TRIM8: variants seen among roughly 807,000 people sequenced by gnomAD.
The protein encoded by TRIM8 is tripartite motif containing 8, also known as E3 ubiquitin-protein ligase TRIM8.
In TRIM8, 9 loss-of-function variants were observed where a neutral mutation model predicts 55.7. The ratio of observed to expected loss-of-function variants is 0.16; its 90% CI spans 0.10 to 0.28. TRIM8 has a LOEUF of 0.28. TRIM8 is among the 10% of genes least tolerant of loss of function. The probability of loss-of-function intolerance (pLI) is 1.00; values close to 1 mark genes in which losing one functional copy is unlikely to be tolerated. For missense variants in TRIM8, 556 were observed against 736.4 expected, an observed-to-expected ratio of 0.76 and a Z score of 2.83; for synonymous variants, 335 against 333.3, an observed-to-expected ratio of 1.01 and a Z score of -0.06.
chr10:102,645,437 G>A, intron 1 of TRIM8: 1 of 426,906 alleles, frequency 2.3e-6, no homozygotes, highest in South Asian at 4.1e-5. Context: ...GGATTGGGGT[G>A]TGGGACCGTC....
chr10:102,657,407 C>A lies in TRIM8; in HGVS notation c.*53C>A. 6.6e-7 allele frequency: 1 copy of A among 1,515,876 alleles called. No homozygotes were observed. Among genetic ancestry groups the A allele is most frequent in the Non-Finnish European group, 8.8e-7 (1 of 1,131,832 alleles). The allele number at this position is 1,515,876 out of a possible 1,614,324, so 93.9% of individuals were successfully genotyped here. Reference sequence around the variant, plus strand: ...AATCTTCCTCCCCAGCCCCCGGGCTCGGGAGTTATGCATCCAGAGACCTGC... The same window carrying A: ...AATCTTCCTCCCCAGCCCCCGGGCTAGGGAGTTATGCATCCAGAGACCTGC... On this transcript the variant is annotated 3_prime_UTR_variant, in exon 6 of 6. Coordinates refer to ENST00000643721, the MANE Select transcript of TRIM8 (RefSeq NM_030912.3).
At position 102,656,019 on chromosome 10, in the gene TRIM8, AGG is replaced by A; in HGVS notation, c.901-81_901-80del. ...GATCCACCCAGCCTGGGGGAGGCTC[AGG>A]GGGGGCAGCTTTTGTCTTCCCCTCT... On this transcript the variant is annotated intron_variant, in intron 3 of 5. Transcript: ENST00000643721. The surrounding 1 kb of genome is among the most constrained non-coding windows in gnomAD (Gnocchi z 4.6). The A allele has an allele frequency of 6.3e-7, 1 of 1,596,974 alleles. No homozygotes were observed. The highest frequency in any genetic ancestry group is 8.6e-7 in the Non-Finnish European group (1 of 1,165,714).
chr10:102,648,323 T>C (rs1368705665), intron 1 of TRIM8, among the ~76,000 whole-genome samples: 1 of 152,080 alleles, frequency 6.6e-6, no homozygotes, highest in African/African-American at 2.4e-5. Context: ...CCCGGTTGCA[T>C]GTGTGAGGGG....
chr10:102,645,234 C>T, intron 1 of TRIM8, 47 bp downstream of exon 1: 2 of 1,456,906 alleles, frequency 1.4e-6, no homozygotes, highest in South Asian at 1.4e-5. Context: ...CACAGACACA[C>T]AGTCCCTTCC....
At chr10:102,653,041 C>T (rs955878174) in intron 1 of TRIM8, among the ~76,000 whole-genome samples, 1 of 152,172 alleles carries the variant, frequency 6.6e-6, no homozygotes, top group Non-Finnish European at 1.5e-5. Context: ...TCAGGTGATC[C>T]GCCTGCCTCG....
Position 102,655,263 on chromosome 10 carries a change from G to T in TRIM8, c.850G>T (p.Gly284Cys). ...CATGCAGGAGGCCAAGAAGCTGCTG[G>T]GCTCCCTGCAGCTGCTCTTTGATAA... ...ERMQEAKKLL[G>C]SLQLLFDKTE... The change falls in exon 3 of 6, where the codon GGC becomes TGC. Residue 284 changes from glycine (G) to cysteine (C), a missense_variant. Gly to Cys is a radical substitution (Grantham distance 159). Transcript: ENST00000643721. 1 of 1,602,398 alleles carries T rather than the reference G, an allele frequency of 6.2e-7. No homozygotes were observed. The highest frequency in any genetic ancestry group is 8.5e-7 in the Non-Finnish European group (1 of 1,176,966).
Position 102,654,766 on chromosome 10 carries a change from C to T in TRIM8, c.666+18C>T, listed in dbSNP as rs778700236. 21 of 1,596,052 alleles carry T rather than the reference C, an allele frequency of 1.3e-5. No individual in the cohort carries two copies. Among genetic ancestry groups the T allele is most frequent in the Middle Eastern group, 3.3e-4 (2 of 6,054 alleles). Reference sequence around the variant, plus strand: ...TGGTGGAGGTAGCTAAGCCCAAGGCCATGCTGCGGGGTGGGGGTGGCTTGA... The same window carrying T: ...TGGTGGAGGTAGCTAAGCCCAAGGCTATGCTGCGGGGTGGGGGTGGCTTGA... On this transcript the variant is annotated intron_variant, in intron 2 of 5. Coordinates refer to ENST00000643721, the MANE Select transcript of TRIM8 (RefSeq NM_030912.3).
chr10:102,655,976 T>C (rs963668442), intron 3 of TRIM8, 130 bp from the exon 4 acceptor site: 1 of 1,360,706 alleles, frequency 7.3e-7, no homozygotes, highest in African/African-American at 1.4e-5. Flanking sequence ...CCCTGCCACT[T>C]TCTGTCCAGA....
Position 102,655,175 on chromosome 10 carries a change from A to C in TRIM8, c.762A>C (p.Leu254=). 1 of 1,611,338 alleles carries C rather than the reference A, an allele frequency of 6.2e-7. No homozygotes were observed. Among genetic ancestry groups the C allele is most frequent in the Non-Finnish European group, 8.5e-7 (1 of 1,179,226 alleles). The change falls in exon 3 of 6, where the codon CTA becomes CTC. Residue 254 remains leucine, a synonymous_variant. Coordinates refer to ENST00000643721, the MANE Select transcript of TRIM8 (RefSeq NM_030912.3). ...DEDLRQTVEV[L]DKAQAKFCSE... ...ACCTGCGGCAGACAGTGGAGGTCCT[A>C]GACAAGGCCCAGGCCAAGTTCTGCA...
At position 102,644,880 on chromosome 10, in the gene TRIM8, C is replaced by T. The variant is rs766807097; in HGVS notation, c.263C>T (p.Ala88Val). 6.2e-7 allele frequency: 1 copy of T among 1,611,370 alleles called. No individual in the cohort carries two copies. Among genetic ancestry groups the T allele is most frequent in the Non-Finnish European group, 8.5e-7 (1 of 1,179,268 alleles). Residue 88 changes from alanine (A) to valine (V), a missense_variant, in exon 1 of 6, where the codon GCG becomes GTG. By Grantham distance (64) the Ala-to-Val change is moderately conservative. This residue lies in a region of TRIM8 where 165 missense variants were observed against 295.3 expected (regional missense o/e 0.56). Coordinates refer to ENST00000643721, the MANE Select transcript of TRIM8 (RefSeq NM_030912.3). Reference protein sequence around the residue: ...FNALHVEKPPAALHCVFCRRG... With the variant: ...FNALHVEKPPVALHCVFCRRG... Reference sequence around the variant, plus strand: ...GCCCTGCACGTGGAGAAGCCGCCGGCGGCGCTGCACTGCGTGTTCTGCCGC... The same window carrying T: ...GCCCTGCACGTGGAGAAGCCGCCGGTGGCGCTGCACTGCGTGTTCTGCCGC...
intron 1 of TRIM8, among the ~76,000 whole-genome samples, chr10:102,650,942 T>C (rs1311090672): frequency 6.6e-6 from 1 of 152,070 alleles, no homozygotes; most frequent in Non-Finnish European, 1.5e-5. Context: ...GGCAGGCAGG[T>C]ATTTCCCATC....
rs1590102636 is a variant in TRIM8 at position 102,644,510 on chromosome 10, C to T, written c.-108C>T. 17 of 1,080,194 alleles carry T rather than the reference C, an allele frequency of 1.6e-5. No individual in the cohort carries two copies. Among genetic ancestry groups the T allele is most frequent in the African/African-American group, 8.4e-5 (5 of 59,260 alleles). 66.9% of individuals were successfully genotyped at this position (1,080,194 alleles called of 1,614,324 possible). ...GCTGCTGACTGAGCGACCGTCGGGG[C>T]CGGCTGGGGCCGGAGCTCGGGGCTC... is the stretch of plus-strand genomic sequence containing the variant. On this transcript the variant is annotated 5_prime_UTR_variant, in exon 1 of 6. Coordinates refer to ENST00000643721, the MANE Select transcript of TRIM8 (RefSeq NM_030912.3).
rs751033456 is a variant in TRIM8, at chr10:102,644,725, G to C, written c.108G>C (p.Arg36=). The C allele has an allele frequency of 6.2e-7, 1 of 1,613,448 alleles. No homozygotes were observed. Among genetic ancestry groups the C allele is most frequent in the Admixed American group, 1.7e-5 (1 of 60,008 alleles). The part of the protein sequence containing the change: ...VQLPCKHNFC[R]GCIGEAWAKD... ...TGCCGTGCAAACACAACTTCTGCCG[G>C]GGCTGCATCGGCGAGGCGTGGGCCA... Residue 36 remains arginine (R), a synonymous_variant, in exon 1 of 6, where the codon CGG becomes CGC. Transcript: ENST00000643721.
In TRIM8 at chr10:102,644,770, C is replaced by T; in HGVS notation, c.153C>T (p.Arg51=). ...EAWAKDSGLV[R]CPECNQAYNQ... is the part of the protein sequence containing the mutation. ...GGGCCAAGGACAGCGGCCTCGTACG[C>T]TGCCCAGAGTGCAACCAGGCCTACA... The change falls in exon 1 of 6, where the codon CGC becomes CGT. Residue 51 remains arginine (R), a synonymous_variant. Coordinates refer to ENST00000643721, the MANE Select transcript of TRIM8 (RefSeq NM_030912.3). 3.7e-6 allele frequency: 6 copies of T among 1,613,284 alleles called. No individual in the cohort carries two copies. Among genetic ancestry groups the T allele is most frequent in the Non-Finnish European group, 5.1e-6 (6 of 1,179,882 alleles).
At chr10:102,655,351 G>A (rs2064015810) in intron 3 of TRIM8, 38 bp downstream of exon 3, 1 of 1,579,060 alleles carries the variant, frequency 6.3e-7, no homozygotes, top group Non-Finnish European at 8.6e-7. Context: ...GGCACCCAGA[G>A]GGCCATTTCC....
intron 1 of TRIM8, chr10:102,653,804 C>G (rs943461984): frequency 1.3e-5 from 2 of 152,202 alleles, no homozygotes; most frequent in African/African-American, 2.4e-5. Context: ...TGGACTGGGA[C>G]AGAGGTTCAC....
intron 1 of TRIM8, among the ~76,000 whole-genome samples, chr10:102,651,263 C>T (rs886642434): frequency 2.0e-5 from 3 of 152,338 alleles, no homozygotes; most frequent in African/African-American, 7.2e-5. Flanking sequence ...CTTGGGAAGA[C>T]CCTGCCGGCT....
intron 1 of TRIM8, 63 bp from the exon 2 acceptor site, chr10:102,654,590 G>A: frequency 2.4e-6 from 3 of 1,272,742 alleles, no homozygotes; most frequent in Admixed American, 3.4e-5. Context: ...TTGTGTAGAG[G>A]GAAGCATGGG....
chr10:102,650,676 C>G (rs764202596), intron 1 of TRIM8, among the ~76,000 whole-genome samples: 1 of 152,216 alleles, frequency 6.6e-6, no homozygotes, highest in Admixed American at 6.5e-5. Flanking sequence ...CACCTGCCTG[C>G]GCAGAGAGTA....
Sources: allele counts gnomAD v4.1 joint callset (sites outside exome capture counted in the v4.1 genomes callset), GRCh38; gene constraint gnomAD v4.1.1; regional missense constraint gnomAD v4.1.1; non-coding constraint Gnocchi (gnomAD v3.1); transcripts MANE v1.5; gene names NCBI Gene and HGNC (gene_info 2026-07-23, HGNC 2026-07-21).